TAF2: variants seen among roughly 807,000 people sequenced by gnomAD.
TAF2 encodes transcription initiation factor TFIID subunit 2.
In TAF2, 61 loss-of-function variants were observed where a neutral mutation model predicts 138.5. The ratio of observed to expected loss-of-function variants is 0.44; its 90% CI spans 0.36 to 0.54. The LOEUF is 0.54. Among genes scored for constraint, TAF2 ranks in the 20% least tolerant of loss-of-function variants. The pLI is 0.00. For missense variants in TAF2, 1,090 were observed against 1,427.9 expected, an observed-to-expected ratio of 0.76 and a Z score of 3.81; for synonymous variants, 475 against 469.9, an observed-to-expected ratio of 1.01 and a Z score of -0.14.
chr8:119,828,625 A>C (rs561856004), intron 2 of TAF2, among the ~76,000 whole-genome samples: 7 of 152,330 alleles, frequency 4.6e-5, no homozygotes, highest in Admixed American at 4.6e-4. Context: ...GGGGTGAAGA[A>C]ATAAAGCAGT....
chr8:119,759,302 G>A (rs915004535), intron 20 of TAF2, among the ~76,000 whole-genome samples: 1 of 151,986 alleles, frequency 6.6e-6, no homozygotes, highest in Admixed American at 6.6e-5. Flanking sequence ...TACACATTAT[G>A]CTGTTATTAC....
At chr8:119,790,988 G>A (rs1475360256) in intron 11 of TAF2, among the ~76,000 whole-genome samples, 1 of 151,604 alleles carries the variant, frequency 6.6e-6, no homozygotes, top group South Asian at 2.1e-4. Flanking sequence ...TTTGAGATGG[G>A]GGGGGTCTTA....
In TAF2 at chr8:119,789,654, C is replaced by T; in HGVS notation, c.1506G>A (p.Gly502=). ...AGACATTTGAAATGGATTTCAAAAA[C>T]CCAGATGTGGAAACCAACATCTGAC... ...MWSQMLVSTS[G]FLKSISNVSG... The change falls in exon 12 of 26, where the codon GGG becomes GGA. Residue 502 remains glycine (G), a synonymous_variant. Coordinates refer to ENST00000378164, the MANE Select transcript of TAF2 (RefSeq NM_003184.4). The T allele has an allele frequency of 1.2e-6, 2 of 1,613,820 alleles. No individual in the cohort carries two copies.
intron 19 of TAF2, chr8:119,761,496 T>A (rs1821060197): frequency 6.6e-6 from 1 of 152,094 alleles, no homozygotes; most frequent in Admixed American, 6.6e-5. Flanking sequence ...ATATCTAAAG[T>A]CTGTTAAAAG....
intron 3 of TAF2, among the ~76,000 whole-genome samples, chr8:119,818,120 C>T (rs1393882790): frequency 6.6e-6 from 1 of 152,130 alleles, no homozygotes; most frequent in East Asian, 1.9e-4. Flanking sequence ...AAAAATAAGC[C>T]TCCCTTCTAA....
intron 9 of TAF2, among the ~76,000 whole-genome samples, chr8:119,793,707 T>G (rs892675225): frequency 6.6e-6 from 1 of 152,190 alleles, no homozygotes; most frequent in Admixed American, 6.6e-5. Context: ...CAACTTTTTC[T>G]TATGGCTGTT....
chr8:119,766,494 T>C (rs1294524599), intron 18 of TAF2, among the ~76,000 whole-genome samples: 1 of 152,178 alleles, frequency 6.6e-6, no homozygotes, highest in Non-Finnish European at 1.5e-5. Flanking sequence ...TCTATGGAAG[T>C]TCTGCTTACC....
chr8:119,763,481 G>A (rs535697187), intron 18 of TAF2, among the ~76,000 whole-genome samples: 1 of 152,272 alleles, frequency 6.6e-6, no homozygotes, highest in African/African-American at 2.4e-5. Flanking sequence ...TGTAATCCCA[G>A]CACTTTGGGA....
chr8:119,748,411 C>T (rs1168023680), intron 22 of TAF2, among the ~76,000 whole-genome samples: 3 of 150,894 alleles, frequency 2.0e-5, no homozygotes, highest in Non-Finnish European at 2.9e-5. Context: ...AACTCACTTT[C>T]ATACTAGATA....
rs1332425305 is a variant in TAF2, at chr8:119,788,898, C to T, written c.1575G>A (p.Gln525=). The T allele has an allele frequency of 1.3e-6, 2 of 1,598,044 alleles. No homozygotes were observed. Among genetic ancestry groups the T allele is most frequent in the East Asian group, 2.2e-5 (1 of 44,748 alleles). The change falls in exon 13 of 26, where the codon CAG becomes CAA. Residue 525 remains glutamine (Q), a synonymous_variant. Transcript: ENST00000378164. ...IQPLIKQWVD[Q]SGVVKFYGSF... ...TTCCATAAAATTTTACCACTCCACT[C>T]TGATCTCTGAAGAATTGTAAAGGAA...
At chr8:119,746,482 G>C (rs1037364628) in intron 23 of TAF2, among the ~76,000 whole-genome samples, 1 of 151,176 alleles carries the variant, frequency 6.6e-6, no homozygotes, top group African/African-American at 2.4e-5. Context: ...CACAATACGA[G>C]TAACAGGACC....
intron 21 of TAF2, among the ~76,000 whole-genome samples, chr8:119,757,866 A>G (rs1481616903): frequency 2.0e-5 from 3 of 152,166 alleles, no homozygotes; most frequent in African/African-American, 7.2e-5. Flanking sequence ...ACTGCACTCC[A>G]GCCTGGGCCA....
intron 6 of TAF2, among the ~76,000 whole-genome samples, chr8:119,800,270 G>C (rs1264707551): frequency 1.3e-5 from 2 of 152,152 alleles, no homozygotes; most frequent in Non-Finnish European, 2.9e-5. Flanking sequence ...GGTTTTTATA[G>C]TTTTAGGTCT....
intron 6 of TAF2, among the ~76,000 whole-genome samples, chr8:119,799,151 ATT>A (rs34865570): frequency 6.6e-6 from 1 of 151,646 alleles, no homozygotes; most frequent in Non-Finnish European, 1.5e-5. Flanking sequence ...ATTTTTTAAA[ATT>A]TTTTTATATT....
intron 20 of TAF2, among the ~76,000 whole-genome samples, chr8:119,758,556 T>A (rs1456200853): frequency 6.6e-6 from 1 of 152,148 alleles, no homozygotes; most frequent in Non-Finnish European, 1.5e-5. Context: ...TATAGTATAG[T>A]CCACTGTTTT....
chr8:119,744,873 T>C, intron 23 of TAF2: 1 of 456,244 alleles, frequency 2.2e-6, no homozygotes, highest in Middle Eastern at 3.3e-4. Flanking sequence ...TTAACCTGTA[T>C]TTCTTACTCT....
chr8:119,756,806 A>T (rs750014845), intron 21 of TAF2, among the ~76,000 whole-genome samples: 14 of 152,166 alleles, frequency 9.2e-5, no homozygotes, highest in Non-Finnish European at 1.9e-4. Context: ...CAACGCAATG[A>T]AAACAAAATT....
intron 2 of TAF2, among the ~76,000 whole-genome samples, chr8:119,825,401 G>GTC (rs1323296808): frequency 6.6e-6 from 1 of 152,202 alleles, no homozygotes; most frequent in Non-Finnish European, 1.5e-5. Context: ...GACTTGCCTT[G>GTC]TCTCTGATGA....
chr8:119,794,915 C>T (rs1445340154), intron 9 of TAF2, among the ~76,000 whole-genome samples: 1 of 151,970 alleles, frequency 6.6e-6, no homozygotes, highest in East Asian at 1.9e-4. Flanking sequence ...ATATGAAAGG[C>T]TGCAATTCTT....
Sources: allele counts gnomAD v4.1 joint callset (sites outside exome capture counted in the v4.1 genomes callset), GRCh38; gene constraint gnomAD v4.1.1; transcripts MANE v1.5; gene names NCBI Gene and HGNC (gene_info 2026-07-23, HGNC 2026-07-21).